The following USP37 variants were observed in gnomAD, a reference collection of about 807,000 sequenced individuals.
USP37 encodes ubiquitin carboxyl-terminal hydrolase 37.
A neutral mutation model predicts 124.0 loss-of-function variants in USP37; 27 were observed. The observed-to-expected ratio is 0.22, with a 90% CI of 0.16 to 0.30. USP37 has a LOEUF of 0.30. Among genes scored for constraint, USP37 ranks in the 10% least tolerant of loss-of-function variants. The pLI is 1.00. For synonymous variants in USP37, 365 were observed against 388.0 expected, an observed-to-expected ratio of 0.94 and a Z score of 0.70; for missense variants, 889 against 1,140.4, an observed-to-expected ratio of 0.78 and a Z score of 3.17.
chr2:218,546,362 A>G lies in USP37; in HGVS notation c.603-64T>C, dbSNP rs560925516. 4.4e-6 allele frequency: 5 copies of G among 1,143,368 alleles called. No individual in the cohort carries two copies. The African/African-American group carries it at 6.2e-5, about 14-fold the overall frequency. 70.8% of individuals were successfully genotyped at this position (1,143,368 alleles called of 1,614,324 possible). A position where few individuals can be genotyped will look rare whatever the true frequency, so the allele number is the denominator to read the frequency against. ...CAATTCATATCACAAAAATTCATAA[A>G]TCAACATACTGAAGGACAGGAAATG... is the stretch of plus-strand genomic sequence containing the variant. On this transcript the variant is annotated intron_variant, in intron 7 of 25. Transcript: ENST00000258399.
intron 10 of USP37, among the ~76,000 whole-genome samples, chr2:218,517,981 G>A (rs575162825): frequency 3.3e-5 from 5 of 151,164 alleles, no homozygotes; most frequent in Non-Finnish European, 5.9e-5. Context: ...TTTGAGATAA[G>A]GTCTCATTCT....
At chr2:218,543,275 G>A (rs1692086686) in intron 8 of USP37, among the ~76,000 whole-genome samples, 2 of 149,478 alleles carry the variant, frequency 1.3e-5, no homozygotes, top group African/African-American at 5.0e-5. Context: ...GCCGAGGTGG[G>A]CAGATCACCT....
chr2:218,513,105 T>C (rs903604353), intron 10 of USP37, among the ~76,000 whole-genome samples: 1 of 151,982 alleles, frequency 6.6e-6, no homozygotes, highest in Non-Finnish European at 1.5e-5. Flanking sequence ...TAGGCATATA[T>C]ATATATATAT....
Position 218,497,743 on chromosome 2 carries a change from A to G in USP37, c.1272T>C (p.Tyr424=). 6.2e-7 allele frequency: 1 copy of G among 1,614,066 alleles called. No individual in the cohort carries two copies. Among genetic ancestry groups the G allele is most frequent in the African/African-American group, 1.3e-5 (1 of 75,060 alleles). Residue 424 remains tyrosine (Y), a synonymous_variant, in exon 13 of 26, where the codon TAT becomes TAC. Transcript: ENST00000258399. ...AACAATTAATACTCACATTCTGCAT[A>G]TAACCAGAGAATCTCTCTGCTGTAG... ...ISATAERFSG[Y]MQNDAHEFLS...
chr2:218,493,449 A>G (rs1688905675), intron 14 of USP37, among the ~76,000 whole-genome samples: 1 of 152,122 alleles, frequency 6.6e-6, no homozygotes, highest in African/African-American at 2.4e-5. Flanking sequence ...CACAGTGTAG[A>G]AGCTACTACT....
At chr2:218,458,195 G>T (rs1378071134) in intron 23 of USP37, among the ~76,000 whole-genome samples, 1 of 139,548 alleles carries the variant, frequency 7.2e-6, no homozygotes, top group Non-Finnish European at 1.5e-5. Context: ...TATAGAAAAT[G>T]CATGAGCCAA....
At chr2:218,551,272 C>T (rs1197669866) in intron 5 of USP37, among the ~76,000 whole-genome samples, 1 of 152,122 alleles carries the variant, frequency 6.6e-6, no homozygotes, top group African/African-American at 2.4e-5. Context: ...ATAATAACCA[C>T]CTTTGGGCAG....
At chr2:218,548,056 G>A (rs936718849) in intron 6 of USP37, among the ~76,000 whole-genome samples, 1 of 152,072 alleles carries the variant, frequency 6.6e-6, no homozygotes, top group African/African-American at 2.4e-5. Context: ...GCATCTGAAT[G>A]AATACTTTAA....
At chr2:218,482,746 A>G (rs1371936249) in intron 16 of USP37, among the ~76,000 whole-genome samples, 1 of 152,188 alleles carries the variant, frequency 6.6e-6, no homozygotes, top group Non-Finnish European at 1.5e-5. Context: ...AGGAAATACA[A>G]AACTTTTCCC....
intron 10 of USP37, among the ~76,000 whole-genome samples, chr2:218,517,012 C>CT (rs1690329500): frequency 2.0e-5 from 3 of 152,166 alleles, no homozygotes; most frequent in Non-Finnish European, 2.9e-5. Flanking sequence ...ACAATGTTTA[C>CT]TTGTTCAATC....
chr2:218,493,481 CT>C (rs1424675468), intron 14 of USP37, among the ~76,000 whole-genome samples: 1 of 151,318 alleles, frequency 6.6e-6, no homozygotes, highest in Non-Finnish European at 1.5e-5. Context: ...TTCTTTCTTT[CT>C]TTTTTTGAGA....
chr2:218,557,489 T>A (rs1367722066), intron 4 of USP37, among the ~76,000 whole-genome samples: 1 of 151,786 alleles, frequency 6.6e-6, no homozygotes, highest in East Asian at 1.9e-4. Flanking sequence ...ATACACGAAA[T>A]CATAGGCAAT....
At chr2:218,501,612 C>T (rs144534665) in intron 11 of USP37, among the ~76,000 whole-genome samples, 3 of 152,316 alleles carry the variant, frequency 2.0e-5, no homozygotes, top group African/African-American at 7.2e-5. Context: ...TACTATTACC[C>T]AGATTTTCTG....
At chr2:218,539,132 T>C (rs1691828579) in intron 8 of USP37, among the ~76,000 whole-genome samples, 1 of 151,920 alleles carries the variant, frequency 6.6e-6, no homozygotes, top group South Asian at 2.1e-4. Context: ...CACACCCAGC[T>C]AATTTTTGTA....
chr2:218,547,229 G>C (rs115757872), intron 6 of USP37, 138 bp from the exon 7 acceptor site: 5 of 885,232 alleles, frequency 5.6e-6, no homozygotes, highest in Non-Finnish European at 8.3e-6. Flanking sequence ...CCCAGAAAGC[G>C]AAGGCGGGAG....
intron 24 of USP37, among the ~76,000 whole-genome samples, chr2:218,456,309 G>A (rs1689694904): frequency 6.6e-6 from 1 of 151,916 alleles, no homozygotes; most frequent in Non-Finnish European, 1.5e-5. Context: ...AAATTAGTCA[G>A]GTGTGGTGGC....
chr2:218,513,328 A>G (rs1198362292), intron 10 of USP37, among the ~76,000 whole-genome samples: 1 of 152,152 alleles, frequency 6.6e-6, no homozygotes, highest in African/African-American at 2.4e-5. Context: ...AACCATGCCC[A>G]GTCTAGAAAT....
At position 218,457,107 on chromosome 2, in the gene USP37, T is replaced by C. The variant is rs755746620; in HGVS notation, c.2698A>G (p.Ser900Gly). ...RLISVVSHIG[S>G]TSSSGHYISD... is the part of the protein sequence containing the mutation. ...GGCTATTCACCTGAAGAAGAAGTGC[T>C]ACCAATGTGACTGACAACACTGATG... The change falls in exon 24 of 26, where the codon AGC (serine) becomes GGC (glycine). Residue 900 changes from serine to glycine, a missense_variant. Around this residue, in one of 3 missense-constraint regions of USP37, gnomAD observed 504 missense variants for 714.3 expected, o/e 0.71. Coordinates refer to ENST00000258399, the MANE Select transcript of USP37 (RefSeq NM_020935.3). 17 of 1,613,844 alleles carry C rather than the reference T, an allele frequency of 1.1e-5. No homozygotes were observed. The highest frequency in any genetic ancestry group is 1.4e-5 in the Non-Finnish European group (17 of 1,179,976).
At chr2:218,471,739 G>A (rs529174796) in intron 20 of USP37, among the ~76,000 whole-genome samples, 1 of 152,006 alleles carries the variant, frequency 6.6e-6, no homozygotes, top group African/African-American at 2.4e-5. Context: ...AGAAAGATCA[G>A]CTGGGGCTGG....
Sources: gnomAD v4.1 joint callset for allele counts (sites outside exome capture counted in the v4.1 genomes callset) on GRCh38, gnomAD v4.1.1 for gene constraint, gnomAD v4.1.1 regional missense constraint, MANE v1.5 for transcripts, NCBI Gene and HGNC (gene_info 2026-07-23, HGNC 2026-07-21) for gene names.